The following NCOA1 variants were observed in gnomAD, a reference collection of about 807,000 sequenced individuals.
NCOA1 encodes nuclear receptor coactivator 1, also known as Hin-2 protein.
A neutral mutation model predicts 150.9 loss-of-function variants in NCOA1; 35 were observed. The ratio of observed to expected loss-of-function variants is 0.23; its 90% CI spans 0.18 to 0.31. NCOA1 has a LOEUF of 0.31. Ranked by LOEUF, NCOA1 falls within the 10% of genes least tolerant of loss-of-function variation. The pLI, the probability that NCOA1 is intolerant of heterozygous loss-of-function variation, is 1.00. For missense variants in NCOA1, 1,491 were observed against 1,749.3 expected (o/e 0.85, Z 2.63); for synonymous variants, 590 against 630.0 (o/e 0.94, Z 0.95).
chr2:24,648,360 G>A (rs1361659694), intron 4 of NCOA1, among the ~76,000 whole-genome samples: 3 of 151,640 alleles, frequency 2.0e-5, no homozygotes, highest in Non-Finnish European at 4.4e-5. Context: ...TGCATCCTCC[G>A]CCTCCCGGGT....
chr2:24,621,085 T>A (rs1669129659), intron 3 of NCOA1, among the ~76,000 whole-genome samples: 1 of 152,170 alleles, frequency 6.6e-6, no homozygotes, highest in Admixed American at 6.5e-5. Flanking sequence ...CCCTCTTATC[T>A]ACCCTGCTTT....
chr2:24,636,577 C>T (rs972483309), intron 3 of NCOA1, among the ~76,000 whole-genome samples: 6 of 151,976 alleles, frequency 3.9e-5, no homozygotes, highest in Admixed American at 2.6e-4. Flanking sequence ...AATTTTAGTT[C>T]TTTCTAACCT....
At chr2:24,529,454 A>G (rs942975180) in intron 1 of NCOA1, among the ~76,000 whole-genome samples, 1 of 152,176 alleles carries the variant, frequency 6.6e-6, no homozygotes, top group Non-Finnish European at 1.5e-5. Flanking sequence ...TGGCCTCCTG[A>G]GTAGCTAGGA....
chr2:24,503,243 T>G (rs1484858701), intron 1 of NCOA1, among the ~76,000 whole-genome samples: 1 of 152,202 alleles, frequency 6.6e-6, no homozygotes, highest in Non-Finnish European at 1.5e-5. Context: ...GGAGAACGTG[T>G]TGTTCTACAA....
chr2:24,537,533 A>T (rs915274825), intron 1 of NCOA1, among the ~76,000 whole-genome samples: 1 of 151,914 alleles, frequency 6.6e-6, no homozygotes, highest in Non-Finnish European at 1.5e-5. Flanking sequence ...TATAAAATGC[A>T]CAGAGATAGA....
chr2:24,529,311 C>G (rs1664783654), intron 1 of NCOA1, among the ~76,000 whole-genome samples: 3 of 152,178 alleles, frequency 2.0e-5, no homozygotes, highest in Admixed American at 2.0e-4. Flanking sequence ...CGTCATTAAT[C>G]AACATTTTCT....
At chr2:24,664,507 G>A (rs1263292629) in intron 5 of NCOA1, among the ~76,000 whole-genome samples, 1 of 151,990 alleles carries the variant, frequency 6.6e-6, no homozygotes, top group African/African-American at 2.4e-5. Context: ...TCGAGAGATC[G>A]AGACCATCCT....
Position 24,742,020 on chromosome 2 carries a change from A to G in NCOA1, c.3540A>G (p.Pro1180=), listed in dbSNP as rs1319393252. 2 of 1,614,148 alleles carry G rather than the reference A, an allele frequency of 1.2e-6. No individual in the cohort carries two copies. The highest frequency in any genetic ancestry group is 2.2e-5 in the South Asian group (2 of 91,080). ...ACTATGGTACAAATCCAGGAACCCCACCTGCTTCTACCAGCCCGTTTTCAC... is the reference window on the plus strand; with the variant it reads ...ACTATGGTACAAATCCAGGAACCCCGCCTGCTTCTACCAGCCCGTTTTCAC... ...PPNYGTNPGT[P]PASTSPFSQL... Residue 1180 remains proline (P), a synonymous_variant, in exon 19 of 23, where the codon CCA becomes CCG. Coordinates refer to ENST00000348332, the MANE Select transcript of NCOA1 (RefSeq NM_003743.5).
chr2:24,722,135 C>A, intron 14 of NCOA1, among the ~76,000 whole-genome samples: 1 of 152,128 alleles, frequency 6.6e-6, no homozygotes. Context: ...ACAAAAACTT[C>A]CCCAAAGTAG....
chr2:24,651,012 G>C (rs932907871), intron 4 of NCOA1, among the ~76,000 whole-genome samples: 5 of 151,972 alleles, frequency 3.3e-5, no homozygotes, highest in African/African-American at 1.2e-4. Context: ...TTTTAGATTT[G>C]GGATGCTCAA....
intron 14 of NCOA1, among the ~76,000 whole-genome samples, chr2:24,722,555 C>A (rs17046489): frequency 0.078 from 11,826 of 152,018 alleles, 535 homozygotes; most frequent in African/African-American, 0.12. Context: ...CTTGAAGGAC[C>A]TGTGGACTGG....
At chr2:24,572,885 G>C (rs1457755592) in intron 2 of NCOA1, among the ~76,000 whole-genome samples, 1 of 152,136 alleles carries the variant, frequency 6.6e-6, no homozygotes, top group African/African-American at 2.4e-5. Flanking sequence ...AAAGGGATTT[G>C]CTTTTGGGGG....
chr2:24,692,553 G>GAAT (rs952873812), intron 9 of NCOA1, among the ~76,000 whole-genome samples: 4 of 152,106 alleles, frequency 2.6e-5, no homozygotes, highest in Non-Finnish European at 4.4e-5. Context: ...GTGGTTATAA[G>GAAT]AATAATCTTT....
intron 10 of NCOA1, among the ~76,000 whole-genome samples, chr2:24,695,595 A>G (rs970963231): frequency 4.6e-5 from 7 of 152,344 alleles, no homozygotes; most frequent in Non-Finnish European, 7.3e-5. Flanking sequence ...AATGTTAAAC[A>G]TTTAATTTCT....
At chr2:24,687,125 A>C (rs1672442858) in intron 8 of NCOA1, among the ~76,000 whole-genome samples, 1 of 152,014 alleles carries the variant, frequency 6.6e-6, no homozygotes, top group African/African-American at 2.4e-5. Flanking sequence ...ACCTTAATTA[A>C]GGTAGGAATT....
chr2:24,627,753 T>C (rs1371636902), intron 3 of NCOA1, among the ~76,000 whole-genome samples: 1 of 152,212 alleles, frequency 6.6e-6, no homozygotes, highest in African/African-American at 2.4e-5. Flanking sequence ...GAGTTGTTCT[T>C]TAGGAAAGAA....
chr2:24,635,272 G>A (rs1669891507), intron 3 of NCOA1, among the ~76,000 whole-genome samples: 1 of 151,518 alleles, frequency 6.6e-6, no homozygotes. Flanking sequence ...TTTGAATATG[G>A]ATTCATCATG....
chr2:24,736,997 AT>A (rs970725601), intron 17 of NCOA1, among the ~76,000 whole-genome samples: 11 of 152,104 alleles, frequency 7.2e-5, no homozygotes, highest in African/African-American at 2.2e-4. Flanking sequence ...GTGTGTGTTT[AT>A]TTTATACTTA....
intron 3 of NCOA1, among the ~76,000 whole-genome samples, chr2:24,602,956 GTATGTATC>G (rs772722984): frequency 6.6e-6 from 1 of 151,982 alleles, no homozygotes; most frequent in Non-Finnish European, 1.5e-5. Flanking sequence ...GTTTTACTGC[GTATGTATC>G]TATTCCTAAA....
Sources: allele counts gnomAD v4.1 joint callset (sites outside exome capture counted in the v4.1 genomes callset), GRCh38; gene constraint gnomAD v4.1.1; transcripts MANE v1.5; gene names NCBI Gene and HGNC (gene_info 2026-07-23, HGNC 2026-07-21).